Variants in GPC5 observed in about 807,000 individuals in gnomAD.
The protein encoded by GPC5 is glypican 5, also known as glypican-5.
Under a neutral mutation model 53.9 loss-of-function variants are expected in GPC5, and 47 were observed. The observed-to-expected ratio is 0.87, with a 90% CI of 0.69 to 1.11. The LOEUF is 1.11. Ranked by LOEUF, GPC5 falls within the 50% of genes most tolerant of loss-of-function variation. The pLI is 0.00. For missense variants in GPC5, 748 were observed against 713.1 expected, an observed-to-expected ratio of 1.05 and a Z score of -0.56; for synonymous variants, 286 against 263.3, an observed-to-expected ratio of 1.09 and a Z score of -0.84.
At chr13:92,283,112 CTT>C (rs770309739) in intron 7 of GPC5, among the ~76,000 whole-genome samples, 1 of 152,090 alleles carries the variant, frequency 6.6e-6, no homozygotes, top group Non-Finnish European at 1.5e-5. Flanking sequence ...ATAAAACAGA[CTT>C]TAAACCAATA....
intron 7 of GPC5, among the ~76,000 whole-genome samples, chr13:92,504,583 A>G (rs1880300268): frequency 6.6e-6 from 1 of 151,986 alleles, no homozygotes; most frequent in Admixed American, 6.6e-5. Flanking sequence ...TTCATTTTCT[A>G]ATTTCAAAAA....
At chr13:92,007,495 A>C (rs958897230) in intron 6 of GPC5, among the ~76,000 whole-genome samples, 3 of 152,138 alleles carry the variant, frequency 2.0e-5, no homozygotes, top group Non-Finnish European at 4.4e-5. Flanking sequence ...CCACATAATA[A>C]TATATATTTT....
chr13:91,842,704 CAAAAAAAAAAAA>C (rs58660493), intron 5 of GPC5, among the ~76,000 whole-genome samples: 1 of 58,838 alleles, frequency 1.7e-5, no homozygotes, highest in African/African-American at 7.5e-5. Flanking sequence ...GACTCCGTCT[CAAAAAAAAAAAA>C]AAAAAAAAAA....
chr13:91,768,877 G>A lies in GPC5; in HGVS notation c.1280+12457G>A, dbSNP rs747277020. On this transcript the variant is annotated intron_variant, in intron 5 of 7. Coordinates refer to ENST00000377067, the MANE Select transcript of GPC5 (RefSeq NM_004466.6). ...TCAAATTAGAATACAGTTCTACAGA[G>A]GTAAGTACTCATGCTCTGTAGGGTA... 2.0e-5 allele frequency among the ~76,000 whole-genome samples: 3 copies of A among 152,236 alleles called. No individual in the cohort carries two copies. The South Asian group carries it at 6.2e-4, about 32-fold the overall frequency.
rs367619344 is a variant in GPC5 at position 92,153,952 on chromosome 13, GT to G, written c.1561+8968del. ...TTAGCCCCTTCCCCAGTATTACTTTGTTTTTGTATTGTTGTAAAGAAGTATC... is the reference window on the plus strand; with the variant it reads ...TTAGCCCCTTCCCCAGTATTACTTTGTTTTGTATTGTTGTAAAGAAGTATC... On this transcript the variant is annotated intron_variant, in intron 7 of 7. Transcript: ENST00000377067. 3.9e-3 allele frequency among the ~76,000 whole-genome samples: 598 copies of G among 152,228 alleles called. 4 individuals are homozygous for G. Among genetic ancestry groups the G allele is most frequent in the Admixed American group, 8.0e-3 (123 of 15,290 alleles).
intron 7 of GPC5, among the ~76,000 whole-genome samples, chr13:92,784,813 G>A (rs540198031): frequency 2.6e-5 from 4 of 152,190 alleles, no homozygotes; most frequent in East Asian, 3.9e-4. Flanking sequence ...AGACTCAATC[G>A]GTTACCAGGA....
rs141015742 is a variant in GPC5, at chr13:92,539,357, G to A, written c.1562-326925G>A. On this transcript the variant is annotated intron_variant, in intron 7 of 7. Coordinates refer to ENST00000377067, the MANE Select transcript of GPC5 (RefSeq NM_004466.6). ...GTTGTTTCCTGACTTTTTAATGATC[G>A]CCACTCTAACTGGTTGAGATGATAT... Among the ~76,000 whole-genome samples, 681 of 151,956 alleles carry A rather than the reference G, an allele frequency of 4.5e-3. 5 individuals carry two copies. The highest frequency in any genetic ancestry group is 8.9e-3 in the Admixed American group (136 of 15,210).
intron 7 of GPC5, among the ~76,000 whole-genome samples, chr13:92,394,867 A>C (rs1422866982): frequency 6.6e-6 from 1 of 152,166 alleles, no homozygotes; most frequent in Non-Finnish European, 1.5e-5. Context: ...TTTTTAACCC[A>C]AAGCTTTTCT....
At chr13:92,470,757 A>G (rs974946036) in intron 7 of GPC5, among the ~76,000 whole-genome samples, 1 of 152,192 alleles carries the variant, frequency 6.6e-6, no homozygotes, top group Non-Finnish European at 1.5e-5. Flanking sequence ...TAACCTTCAC[A>G]ATGACTCAAG....
At chr13:91,869,849 A>G (rs1000299568) in intron 5 of GPC5, among the ~76,000 whole-genome samples, 3 of 152,146 alleles carry the variant, frequency 2.0e-5, no homozygotes, top group African/African-American at 7.2e-5. Context: ...GAGAGAGAGC[A>G]AAGGGGGAAG....
intron 7 of GPC5, among the ~76,000 whole-genome samples, chr13:92,750,283 G>A (rs1889350359): frequency 6.6e-6 from 1 of 152,106 alleles, no homozygotes; most frequent in Non-Finnish European, 1.5e-5. Context: ...TCTTCAATCT[G>A]TGATGATACT....
chr13:92,175,736 A>C (rs1273186271), intron 7 of GPC5, among the ~76,000 whole-genome samples: 1 of 152,202 alleles, frequency 6.6e-6, no homozygotes, highest in Non-Finnish European at 1.5e-5. Flanking sequence ...ATCTTTTTAT[A>C]TTAGCAAGTG....
chr13:92,458,532 A>T (rs545809239), intron 7 of GPC5, among the ~76,000 whole-genome samples: 2 of 152,178 alleles, frequency 1.3e-5, no homozygotes, highest in Admixed American at 1.3e-4. Flanking sequence ...TCCTGACCTC[A>T]GGTGATCTGC....
intron 5 of GPC5, among the ~76,000 whole-genome samples, chr13:91,895,248 C>T (rs2039429291): frequency 6.6e-6 from 1 of 152,060 alleles, no homozygotes; most frequent in African/African-American, 2.4e-5. Context: ...CCATTTATGA[C>T]AAGCTTTAGA....
intron 7 of GPC5, among the ~76,000 whole-genome samples, chr13:92,410,979 A>G (rs904180195): frequency 2.6e-5 from 4 of 152,236 alleles, no homozygotes; most frequent in African/African-American, 7.2e-5. Flanking sequence ...CCATGCCTAT[A>G]ATCCCAGTAC....
At chr13:91,765,722 C>A (rs1323830447) in intron 5 of GPC5, among the ~76,000 whole-genome samples, 1 of 152,066 alleles carries the variant, frequency 6.6e-6, no homozygotes, top group Non-Finnish European at 1.5e-5. Flanking sequence ...GGGGAAAATT[C>A]TTTTTTGATT....
intron 6 of GPC5, among the ~76,000 whole-genome samples, chr13:92,091,757 C>A (rs868848212): frequency 2.6e-4 from 39 of 147,374 alleles, no homozygotes; most frequent in South Asian, 4.3e-4. Flanking sequence ...TTCACCCCCC[C>A]ACAGTGAAAA....
intron 6 of GPC5, among the ~76,000 whole-genome samples, chr13:91,939,689 A>G (rs1040934101): frequency 2.0e-5 from 3 of 152,188 alleles, no homozygotes; most frequent in Non-Finnish European, 4.4e-5. Context: ...CAGTAAGTGA[A>G]GTTGGAGAAG....
chr13:91,552,662 G>A lies in GPC5; in HGVS notation c.325+103740G>A, dbSNP rs1258731095. Among the ~76,000 whole-genome samples, 3 of 152,240 alleles carry A rather than the reference G, an allele frequency of 2.0e-5. No homozygotes were observed. The South Asian group carries it at 6.2e-4, about 32-fold the overall frequency. On this transcript the variant is annotated intron_variant, in intron 2 of 7. Coordinates refer to ENST00000377067, the MANE Select transcript of GPC5 (RefSeq NM_004466.6). ...GAAGCATGTCCTTAAGGCACAGATC[G>A]CTCATGCTATTGTTTGTGGCTTAAG...
Sources: gnomAD v4.1 joint callset for allele counts (sites outside exome capture counted in the v4.1 genomes callset) on GRCh38, gnomAD v4.1.1 for gene constraint, MANE v1.5 for transcripts, NCBI Gene and HGNC (gene_info 2026-07-23, HGNC 2026-07-21) for gene names.